The following ZNF462 variants were observed in gnomAD, a reference collection of about 807,000 sequenced individuals.
The protein encoded by ZNF462 is zinc finger protein 462.
Under a neutral mutation model 201.9 loss-of-function variants are expected in ZNF462, and 10 were observed. The ratio of observed to expected loss-of-function variants is 0.05; its 90% CI spans 0.03 to 0.08. The LOEUF (loss-of-function observed/expected upper bound fraction) is 0.08, where lower values mean the gene tolerates loss of function less well. Among genes scored for constraint, ZNF462 ranks in the 10% least tolerant of loss-of-function variants. The pLI, the probability that ZNF462 is intolerant of heterozygous loss-of-function variation, is 1.00. For synonymous variants in ZNF462, 1,227 were observed against 1,193.3 expected (o/e 1.03, Z -0.58); for missense variants, 2,523 against 3,168.3 (o/e 0.80, Z 4.89).
intron 1 of ZNF462, among the ~76,000 whole-genome samples, chr9:106,911,068 A>G (rs1829530684): frequency 6.6e-6 from 1 of 152,186 alleles, no homozygotes; most frequent in Non-Finnish European, 1.5e-5. Context: ...TGCTTTAGAA[A>G]TATCAAGGAC....
rs551579027 is a variant in ZNF462 at position 106,917,015 on chromosome 9, C to T, written c.-30-6339C>T. ...TTCAAATCACACGCTTCCTTTTCTACGGACAGGAGAGCTGGCAGACTGCCT... is the reference window on the plus strand; with the variant it reads ...TTCAAATCACACGCTTCCTTTTCTATGGACAGGAGAGCTGGCAGACTGCCT... On this transcript the variant is annotated intron_variant, in intron 1 of 12. Coordinates refer to ENST00000277225, the MANE Select transcript of ZNF462 (RefSeq NM_021224.6). The surrounding 1 kb of genome is among the most constrained non-coding windows in gnomAD (Gnocchi z 4.5). 1.9e-4 allele frequency among the ~76,000 whole-genome samples: 29 copies of T among 152,336 alleles called. 1 individual carries two copies. The highest frequency in any genetic ancestry group is 5.3e-4 in the African/African-American group (22 of 41,582).
chr9:107,011,857 A>G lies in ZNF462; in HGVS notation c.*827A>G, dbSNP rs1303959781. 6.6e-6 allele frequency: 1 copy of G among 152,134 alleles called. No homozygotes were observed. Among genetic ancestry groups the G allele is most frequent in the East Asian group, 1.9e-4 (1 of 5,194 alleles). The allele number at this position is 152,134 out of a possible 1,614,324, so 9.4% of individuals were successfully genotyped here. On this transcript the variant is annotated 3_prime_UTR_variant, in exon 13 of 13. Transcript: ENST00000277225. The surrounding 1 kb of genome is among the most constrained non-coding windows in gnomAD (Gnocchi z 5.6). ...CCAGGTAAGCTGTTTATTAGTGTTCAACTATAATTTAGAATTTGGTAGATT... is the reference window on the plus strand; with the variant it reads ...CCAGGTAAGCTGTTTATTAGTGTTCGACTATAATTTAGAATTTGGTAGATT...
Position 107,008,500 on chromosome 9 carries a change from C to T in ZNF462, c.7190-1045C>T, listed in dbSNP as rs1829718034. On this transcript the variant is annotated intron_variant, in intron 11 of 12. Coordinates refer to ENST00000277225, the MANE Select transcript of ZNF462 (RefSeq NM_021224.6). This position sits in a 1 kb window ranked among gnomAD's most constrained non-coding sequence, Gnocchi z 4.8. The stretch of plus-strand genomic sequence containing the variant: ...TCTTGTATGTGTGGACCAGAGTGAT[C>T]AGAGTGTAAAGATGATCAACACTTC... Among the ~76,000 whole-genome samples the T allele has an allele frequency of 1.3e-5, 2 of 152,112 alleles. No individual in the cohort carries two copies. The highest frequency in any genetic ancestry group is 2.9e-5 in the Non-Finnish European group (2 of 68,040).
rs2131519876 is a variant in ZNF462, at chr9:106,929,805, ACTGGT to A, written c.5847+47_5847+51del. 1 of 1,527,038 alleles carries A rather than the reference ACTGGT, an allele frequency of 6.5e-7. No individual in the cohort carries two copies. Among genetic ancestry groups the A allele is most frequent in the Non-Finnish European group, 8.9e-7 (1 of 1,124,736 alleles). 94.6% of individuals were successfully genotyped at this position (1,527,038 alleles called of 1,614,324 possible). A position where few individuals can be genotyped will look rare whatever the true frequency, so the allele number is the denominator to read the frequency against. ...CCCTTCCCCCAGGAGGCCTCTCATCACTGGTGCCCACATGCACTTCTTCGTTGCCA... is the reference window on the plus strand; with the variant it reads ...CCCTTCCCCCAGGAGGCCTCTCATCAGCCCACATGCACTTCTTCGTTGCCA... On this transcript the variant is annotated intron_variant, in intron 3 of 12. Transcript: ENST00000277225. The surrounding 1 kb of genome is among the most constrained non-coding windows in gnomAD (Gnocchi z 8.7).
At chr9:106,952,201 A>G (rs1446772641) in intron 7 of ZNF462, among the ~76,000 whole-genome samples, 1 of 152,100 alleles carries the variant, frequency 6.6e-6, no homozygotes, top group Non-Finnish European at 1.5e-5. Context: ...TCCCTATCAC[A>G]CATGCATGTC....
At chr9:106,884,881 G>T (rs928089216) in intron 1 of ZNF462, among the ~76,000 whole-genome samples, 3 of 152,184 alleles carry the variant, frequency 2.0e-5, no homozygotes, top group Non-Finnish European at 4.4e-5. Flanking sequence ...TTAGAGTAAC[G>T]TTGGCTAGAG....
rs1466061964 is a variant in ZNF462, at chr9:106,966,363, C to T, written c.6428-5642C>T. 1.3e-5 allele frequency among the ~76,000 whole-genome samples: 2 copies of T among 151,910 alleles called. No individual in the cohort carries two copies. The highest frequency in any genetic ancestry group is 2.4e-5 in the African/African-American group (1 of 41,364). ...TTCTGTTTAGTTTCTCCAAAATGTA[C>T]GACTTAAGGTGGAGGTGTAGTGAGT... On this transcript the variant is annotated intron_variant, in intron 7 of 12. Transcript: ENST00000277225. The surrounding 1 kb of genome is among the most constrained non-coding windows in gnomAD (Gnocchi z 4.4).
At chr9:106,915,184 G>T (rs1214116233) in intron 1 of ZNF462, among the ~76,000 whole-genome samples, 2 of 151,260 alleles carry the variant, frequency 1.3e-5, no homozygotes, top group Non-Finnish European at 2.9e-5. Flanking sequence ...TTAATGGCTG[G>T]ATAGGCATTT....
chr9:106,925,622 A>G lies in ZNF462; in HGVS notation c.1710A>G (p.Pro570=). 1 of 1,613,298 alleles carries G rather than the reference A, an allele frequency of 6.2e-7. No homozygotes were observed. The highest frequency in any genetic ancestry group is 1.1e-5 in the South Asian group (1 of 91,008). The change falls in exon 3 of 13, where the codon CCA becomes CCG. Residue 570 remains proline, a synonymous_variant. Coordinates refer to ENST00000277225, the MANE Select transcript of ZNF462 (RefSeq NM_021224.6). The surrounding 1 kb of genome is among the most constrained non-coding windows in gnomAD (Gnocchi z 7.9). ...AGCCACAGCCACCACAGCTGCAGCC[A>G]CCACATCAGGTGCCACCCCAGCCAC... ...LQQPQPPQLQ[P]PHQVPPQPQT...
In ZNF462 at chr9:106,993,167, G is replaced by C. The variant is rs140479133; in HGVS notation, c.7056+8758G>C. On this transcript the variant is annotated intron_variant, in intron 10 of 12. Coordinates refer to ENST00000277225, the MANE Select transcript of ZNF462 (RefSeq NM_021224.6). This position sits in a 1 kb window ranked among gnomAD's most constrained non-coding sequence, Gnocchi z 4.0. ...TTAAAGGATTTCATTAAAAAGAACT[G>C]AACATTCAAAACTGGACTTCTGAAT... Among the ~76,000 whole-genome samples, 113 of 152,232 alleles carry C rather than the reference G, an allele frequency of 7.4e-4. No individual in the cohort carries two copies. In the East Asian group the frequency reaches 0.021, roughly 28 times the overall value.
At chr9:106,955,339 A>G (rs528264859) in intron 7 of ZNF462, among the ~76,000 whole-genome samples, 2 of 152,286 alleles carry the variant, frequency 1.3e-5, no homozygotes, top group African/African-American at 4.8e-5. Flanking sequence ...GTAGTTTACT[A>G]AGTATACAAT....
At chr9:106,907,674 A>C (rs1829329214) in intron 1 of ZNF462, among the ~76,000 whole-genome samples, 1 of 152,032 alleles carries the variant, frequency 6.6e-6, no homozygotes, top group African/African-American at 2.4e-5. Context: ...TTTTTAAAAA[A>C]TAAAAGTTAC....
chr9:106,995,090 T>G (rs999588219), intron 10 of ZNF462, among the ~76,000 whole-genome samples: 2 of 152,086 alleles, frequency 1.3e-5, no homozygotes, highest in Non-Finnish European at 2.9e-5. Flanking sequence ...TCCAGGAGAT[T>G]GACAGCTGCT....
chr9:107,005,850 G>A lies in ZNF462; in HGVS notation c.7189+2424G>A, dbSNP rs1005701772. Among the ~76,000 whole-genome samples the A allele has an allele frequency of 7.2e-5, 11 of 152,096 alleles. No individual in the cohort carries two copies. The highest frequency in any genetic ancestry group is 2.4e-4 in the African/African-American group (10 of 41,408). On this transcript the variant is annotated intron_variant, in intron 11 of 12. Transcript: ENST00000277225. This position sits in a 1 kb window ranked among gnomAD's most constrained non-coding sequence, Gnocchi z 4.4. Reference sequence around the variant, plus strand: ...TCAAGTTTTTAATTCATTTTGAGACGATTTTTGTATCTGGTGTGAGATAAG... The same window carrying A: ...TCAAGTTTTTAATTCATTTTGAGACAATTTTTGTATCTGGTGTGAGATAAG...
At chr9:106,951,757 T>G (rs948324722) in intron 7 of ZNF462, among the ~76,000 whole-genome samples, 1 of 152,074 alleles carries the variant, frequency 6.6e-6, no homozygotes, top group African/African-American at 2.4e-5. Context: ...ACCCCAGGCC[T>G]TCTTGCTTGC....
At chr9:106,861,220 C>T (rs936831409), upstream of ZNF462, among the ~76,000 whole-genome samples, 1 of 152,060 alleles carries the variant, frequency 6.6e-6, no homozygotes, top group South Asian at 2.1e-4. Context: ...GTGAGAGATT[C>T]TGCTCAGGAA....
chr9:106,992,310 G>A (rs1828347676), intron 10 of ZNF462, among the ~76,000 whole-genome samples: 1 of 152,080 alleles, frequency 6.6e-6, no homozygotes. Flanking sequence ...CCAACCACTA[G>A]CTAGCATGGC....
Position 106,917,936 on chromosome 9 carries a change from G to A in ZNF462, c.-30-5418G>A, listed in dbSNP as rs935387078. On this transcript the variant is annotated intron_variant, in intron 1 of 12. Coordinates refer to ENST00000277225, the MANE Select transcript of ZNF462 (RefSeq NM_021224.6). This position sits in a 1 kb window ranked among gnomAD's most constrained non-coding sequence, Gnocchi z 4.5. ...CTGCCACCCAGGCTGGAGTGCAGTG[G>A]CGCGATCTCGGCTCACTGCAACCTT... 1.3e-5 allele frequency among the ~76,000 whole-genome samples: 2 copies of A among 151,456 alleles called. No homozygotes were observed. The highest frequency in any genetic ancestry group is 2.9e-5 in the Non-Finnish European group (2 of 67,932).
Position 106,933,637 on chromosome 9 carries a change from T to TA in ZNF462, c.6116+1097dup, listed in dbSNP as rs375257065. The stretch of plus-strand genomic sequence containing the variant: ...AGGGTCAAGGGTTGGTTTATGAAAT[T>TA]AAAAAAAAACAAAACAAAACCCACT... On this transcript the variant is annotated intron_variant, in intron 5 of 12. Coordinates refer to ENST00000277225, the MANE Select transcript of ZNF462 (RefSeq NM_021224.6). The surrounding 1 kb of genome is among the most constrained non-coding windows in gnomAD (Gnocchi z 4.3). Among the ~76,000 whole-genome samples the TA allele has an allele frequency of 4.1e-4, 62 of 150,106 alleles. 1 individual carries two copies. The highest frequency in any genetic ancestry group is 6.9e-4 in the African/African-American group (28 of 40,836).
Sources: gnomAD v4.1 joint callset for allele counts (sites outside exome capture counted in the v4.1 genomes callset) on GRCh38, gnomAD v4.1.1 for gene constraint, Gnocchi (gnomAD v3.1) non-coding constraint, MANE v1.5 for transcripts, NCBI Gene and HGNC (gene_info 2026-07-23, HGNC 2026-07-21) for gene names.